The following INHBC variants were observed in gnomAD, a reference collection of about 807,000 sequenced individuals.
The protein encoded by INHBC is inhibin subunit beta C.
In INHBC, 10 loss-of-function variants were observed where a neutral mutation model predicts 12.4. The ratio of observed to expected loss-of-function variants is 0.81; its 90% CI spans 0.50 to 1.37. The LOEUF (loss-of-function observed/expected upper bound fraction) is 1.37, where lower values mean the gene tolerates loss of function less well. INHBC is among the 40% of genes most tolerant of loss of function. The probability of loss-of-function intolerance (pLI) is 0.00; values close to 1 mark genes in which losing one functional copy is unlikely to be tolerated. For missense variants in INHBC, 382 were observed against 439.4 expected, an observed-to-expected ratio of 0.87 and a Z score of 1.17; for synonymous variants, 147 against 171.6, an observed-to-expected ratio of 0.86 and a Z score of 1.12.
Position 57,449,953 on chromosome 12 carries a change from T to C in INHBC, c.990T>C (p.Tyr330=). The C allele has an allele frequency of 1.3e-6, 2 of 1,561,466 alleles. No individual in the cohort carries two copies. Among genetic ancestry groups the C allele is most frequent in the Non-Finnish European group, 1.7e-6 (2 of 1,152,800 alleles). Residue 330 remains tyrosine, a synonymous_variant, in exon 2 of 2, where the codon TAT becomes TAC. Coordinates refer to ENST00000309668, the MANE Select transcript of INHBC (RefSeq NM_005538.4). The stretch of plus-strand genomic sequence containing the variant: ...GGCGCCCCCTGTCTCTGCTCTATTA[T>C]GACAGGGACAGCAACATTGTCAAGA... ...TARRPLSLLY[Y]DRDSNIVKTD... is the part of the protein sequence containing the mutation.
At chr12:57,435,264 G>A (rs1050969524) in intron 1 of INHBC, 65 bp downstream of exon 1, 79 of 1,445,366 alleles carry the variant, frequency 5.5e-5, no homozygotes, top group East Asian at 7.4e-5. Context: ...AAGTTTCCTC[G>A]CCAGACTTAC....
In INHBC at chr12:57,451,875, C is replaced by T. The variant is rs1870719314; in HGVS notation, c.*1853C>T. 1 of 455,570 alleles carries T rather than the reference C, an allele frequency of 2.2e-6. No homozygotes were observed. Among genetic ancestry groups the T allele is most frequent in the African/African-American group, 2.0e-5 (1 of 49,944 alleles). 28.2% of individuals were successfully genotyped at this position (455,570 alleles called of 1,614,324 possible). ...CTCCTTCCCAATTACAGCTTAGTCTCCAGGGCTAGGACTGGGGTAAAGCAA... is the reference window on the plus strand; with the variant it reads ...CTCCTTCCCAATTACAGCTTAGTCTTCAGGGCTAGGACTGGGGTAAAGCAA... On this transcript the variant is annotated 3_prime_UTR_variant, in exon 2 of 2. Coordinates refer to ENST00000309668, the MANE Select transcript of INHBC (RefSeq NM_005538.4).
At chr12:57,445,918 G>A (rs1782927887) in intron 1 of INHBC, among the ~76,000 whole-genome samples, 1 of 150,450 alleles carries the variant, frequency 6.6e-6, no homozygotes, top group Non-Finnish European at 1.5e-5. Flanking sequence ...CTAATTTTTG[G>A]TGGTTTTTTT....
chr12:57,451,839 C>G lies in INHBC; in HGVS notation c.*1817C>G, dbSNP rs1870718433. On this transcript the variant is annotated 3_prime_UTR_variant, in exon 2 of 2. Transcript: ENST00000309668. ...TGTCTCCCCCACACATCCCCGACCC[C>G]CAGATCTAACCTCCTTCCCAATTAC... The G allele has an allele frequency of 2.2e-6, 1 of 455,694 alleles. No individual in the cohort carries two copies. Among genetic ancestry groups the G allele is most frequent in the Non-Finnish European group, 4.4e-6 (1 of 226,756 alleles). The allele number at this position is 455,694 out of a possible 1,614,324, so 28.2% of individuals were successfully genotyped here.
At chr12:57,448,658 A>C (rs1870640559) in intron 1 of INHBC, among the ~76,000 whole-genome samples, 1 of 152,160 alleles carries the variant, frequency 6.6e-6, no homozygotes, top group Non-Finnish European at 1.5e-5. Context: ...ATGAAAGTCC[A>C]AGACAGACCT....
chr12:57,437,778 G>A (rs866539784), intron 1 of INHBC, among the ~76,000 whole-genome samples: 1 of 150,006 alleles, frequency 6.7e-6, no homozygotes. Flanking sequence ...CCTCGTTTTT[G>A]TGTTTGTTTG....
At chr12:57,438,679 G>A (rs1346616111) in intron 1 of INHBC, among the ~76,000 whole-genome samples, 6 of 152,162 alleles carry the variant, frequency 3.9e-5, no homozygotes, top group African/African-American at 1.2e-4. Flanking sequence ...GGAACTAGAC[G>A]AAGGCATGAA....
At chr12:57,442,638 T>C (rs890589411) in intron 1 of INHBC, among the ~76,000 whole-genome samples, 13 of 152,114 alleles carry the variant, frequency 8.5e-5, no homozygotes, top group African/African-American at 2.9e-4. Context: ...AGAGTGGAAC[T>C]GACTTATCTA....
intron 1 of INHBC, among the ~76,000 whole-genome samples, chr12:57,444,369 C>T (rs533271006): frequency 1.3e-5 from 2 of 151,856 alleles, no homozygotes. Flanking sequence ...GGCAAAACTC[C>T]GTCTCTACTA....
At chr12:57,440,434 G>A (rs1356465728) in intron 1 of INHBC, among the ~76,000 whole-genome samples, 1 of 147,994 alleles carries the variant, frequency 6.8e-6, no homozygotes, top group East Asian at 2.1e-4. Context: ...CCGGGTTCAA[G>A]CGATTCTTTT....
intron 1 of INHBC, among the ~76,000 whole-genome samples, chr12:57,447,892 A>AAAAAAAAT (rs1555325179): frequency 5.5e-4 from 11 of 19,872 alleles, no homozygotes; most frequent in Non-Finnish European, 8.4e-4. Flanking sequence ...AAAAAAAAAA[A>AAAAAAAAT]ATATATATAT....
At chr12:57,435,942 G>T (rs1398406069) in intron 1 of INHBC, among the ~76,000 whole-genome samples, 2 of 151,514 alleles carry the variant, frequency 1.3e-5, no homozygotes, top group Non-Finnish European at 2.9e-5. Context: ...CACCTCCTGA[G>T]TTCAAGGAAT....
At chr12:57,439,459 C>T (rs1870412444) in intron 1 of INHBC, among the ~76,000 whole-genome samples, 1 of 152,194 alleles carries the variant, frequency 6.6e-6, no homozygotes, top group Admixed American at 6.5e-5. Context: ...GCTGAGGTGT[C>T]TTTCCTTTTA....
chr12:57,438,870 A>G (rs1224464986), intron 1 of INHBC, among the ~76,000 whole-genome samples: 1 of 152,172 alleles, frequency 6.6e-6, no homozygotes, highest in Non-Finnish European at 1.5e-5. Context: ...GCATCTCATC[A>G]CCTGAATTAG....
In INHBC at chr12:57,449,705, T is replaced by C. The variant is rs1235874117; in HGVS notation, c.742T>C (p.Cys248Arg). The change falls in exon 2 of 2, where the codon TGT becomes CGT. Residue 248 changes from cysteine to arginine, a missense_variant. Physicochemically the swap from Cys to Arg is radical, Grantham distance 180. Coordinates refer to ENST00000309668, the MANE Select transcript of INHBC (RefSeq NM_005538.4). ...CTGCCAAGGAGGGTCCAGGATGTGCTGTCGACAAGAGTTTTTTGTGGACTT... is the reference window on the plus strand; with the variant it reads ...CTGCCAAGGAGGGTCCAGGATGTGCCGTCGACAAGAGTTTTTTGTGGACTT... ...IDCQGGSRMC[C>R]RQEFFVDFRE... The C allele has an allele frequency of 1.2e-6, 2 of 1,614,268 alleles. 1 individual carries two copies. Among genetic ancestry groups the C allele is most frequent in the South Asian group, 2.2e-5 (2 of 91,090 alleles).
At chr12:57,444,938 T>C (rs1163008123) in intron 1 of INHBC, among the ~76,000 whole-genome samples, 1 of 152,188 alleles carries the variant, frequency 6.6e-6, no homozygotes, top group East Asian at 1.9e-4. Context: ...CACCTTGACC[T>C]CCCATAGTGC....
intron 1 of INHBC, among the ~76,000 whole-genome samples, chr12:57,442,671 T>C (rs1380116037): frequency 6.6e-6 from 1 of 151,948 alleles, no homozygotes; most frequent in Non-Finnish European, 1.5e-5. Flanking sequence ...AAAGAGATCT[T>C]ATTGGCTCTG....
At chr12:57,447,922 T>TAA (rs201757757) in intron 1 of INHBC, among the ~76,000 whole-genome samples, 1,092 of 75,578 alleles carry the variant, frequency 0.014, 28 homozygotes, top group African/African-American at 0.042. Flanking sequence ...TATATATATA[T>TAA]AAAATATATG....
intron 1 of INHBC, among the ~76,000 whole-genome samples, chr12:57,445,722 C>A (rs1021710044): frequency 2.7e-5 from 4 of 146,890 alleles, no homozygotes; most frequent in East Asian, 2.1e-4. Flanking sequence ...GACCCCCCGC[C>A]CATCTCCATG....
Sources: allele counts gnomAD v4.1 joint callset (sites outside exome capture counted in the v4.1 genomes callset), GRCh38; gene constraint gnomAD v4.1.1; transcripts MANE v1.5; gene names NCBI Gene and HGNC (gene_info 2026-07-23, HGNC 2026-07-21).